The following HS6ST2 variants were observed in gnomAD, a reference collection of about 807,000 sequenced individuals.
HS6ST2 encodes the protein heparan-sulfate 6-O-sulfotransferase 2.
Under a neutral mutation model 33.0 loss-of-function variants are expected in HS6ST2, and 17 were observed. That is an observed-to-expected ratio of 0.52 (90% confidence interval 0.35 to 0.77). The LOEUF is 0.77. Ranked by LOEUF, HS6ST2 falls within the 30% of genes least tolerant of loss-of-function variation. The probability of loss-of-function intolerance (pLI) is 0.01; values close to 1 mark genes in which losing one functional copy is unlikely to be tolerated. For synonymous variants in HS6ST2, 248 were observed against 237.1 expected, an observed-to-expected ratio of 1.05 and a Z score of -0.42; for missense variants, 519 against 551.7, an observed-to-expected ratio of 0.94 and a Z score of 0.59.
intron 2 of HS6ST2, among the ~76,000 whole-genome samples, chrX:132,760,988 T>C (rs755874464): frequency 1.8e-5 from 2 of 111,644 alleles, no homozygotes; most frequent in South Asian, 7.6e-4. Context: ...TTGTAGTCAT[T>C]CAGTTTAACT....
chrX:132,853,662 G>A (rs1420578444), intron 2 of HS6ST2, among the ~76,000 whole-genome samples: 2 of 110,762 alleles, frequency 1.8e-5, no homozygotes, highest in Non-Finnish European at 3.8e-5. Flanking sequence ...ATCAGGGTGG[G>A]GAGCTTACAA....
At chrX:132,737,521 T>G (rs1374657199) in intron 2 of HS6ST2, among the ~76,000 whole-genome samples, 1 of 111,437 alleles carries the variant, frequency 9.0e-6, no homozygotes, top group Non-Finnish European at 1.9e-5. Flanking sequence ...CTCCCACCTT[T>G]AGCAACACGG....
rs181168026 is a variant in HS6ST2 at position 132,676,411 on chromosome X, A to G, written c.981-7212T>C. Among the ~76,000 whole-genome samples, 17 of 112,582 alleles carry G rather than the reference A, an allele frequency of 1.5e-4. No homozygotes were observed. The East Asian group carries it at 4.8e-3, about 31-fold the overall frequency. Reference sequence around the variant, plus strand: ...AAGTGTGAAAAAATGCTAGGGAAATAAAACAGGAAACAACTGCCTATGCTT... The same window carrying G: ...AAGTGTGAAAAAATGCTAGGGAAATGAAACAGGAAACAACTGCCTATGCTT... On this transcript the variant is annotated intron_variant, in intron 3 of 4. Transcript: ENST00000370833.
chrX:132,933,259 C>T (rs186267655), intron 2 of HS6ST2, among the ~76,000 whole-genome samples: 94 of 110,209 alleles, frequency 8.5e-4, no homozygotes, highest in Non-Finnish European at 1.6e-3. Flanking sequence ...ACCCAGGAGA[C>T]GGAGGTTGCA....
intron 2 of HS6ST2, among the ~76,000 whole-genome samples, chrX:132,913,035 C>T (rs768605092): frequency 8.1e-5 from 9 of 110,938 alleles, no homozygotes; most frequent in Admixed American, 6.7e-4. Flanking sequence ...CATCCCCTTC[C>T]GAGTCCATAA....
chrX:132,725,030 A>G (rs1474548202), intron 2 of HS6ST2, among the ~76,000 whole-genome samples: 1 of 111,779 alleles, frequency 8.9e-6, no homozygotes, highest in Admixed American at 9.5e-5. Flanking sequence ...AATCTAAGAC[A>G]TCAAACTCTA....
chrX:132,881,563 A>G (rs2066173982), intron 2 of HS6ST2, among the ~76,000 whole-genome samples: 1 of 111,065 alleles, frequency 9.0e-6, no homozygotes, highest in African/African-American at 3.3e-5. Context: ...ATTTTCTCCT[A>G]TTCTGTAGGT....
intron 3 of HS6ST2, among the ~76,000 whole-genome samples, chrX:132,677,682 A>G (rs1241210270): frequency 8.9e-6 from 1 of 112,330 alleles, no homozygotes; most frequent in East Asian, 2.8e-4. Flanking sequence ...GTGACAGCCT[A>G]TTGCAGAAGT....
chrX:132,868,606 A>G (rs1490225002), intron 2 of HS6ST2, among the ~76,000 whole-genome samples: 1 of 112,521 alleles, frequency 8.9e-6, no homozygotes, highest in African/African-American at 3.2e-5. Context: ...CAATCAAATT[A>G]GAATTCAGGA....
chrX:132,787,212 T>C lies in HS6ST2; in HGVS notation c.948-78718A>G, dbSNP rs1210888119. 3.7e-3 allele frequency among the ~76,000 whole-genome samples: 331 copies of C among 88,498 alleles called. 8 individuals are homozygous for C. The highest frequency in any genetic ancestry group is 0.012 in the African/African-American group (279 of 23,178). 76.8% of individuals were successfully genotyped at this position (88,498 alleles called of 115,157 possible). On this transcript the variant is annotated intron_variant, in intron 2 of 4. Coordinates refer to ENST00000370833, the MANE Select transcript of HS6ST2 (RefSeq NM_001394073.1). ...ACATATATATATACACATATATATATACACATATATATATACACATATATA... is the reference window on the plus strand; with the variant it reads ...ACATATATATATACACATATATATACACACATATATATATACACATATATA...
At chrX:132,846,219 T>C (rs1457978291) in intron 2 of HS6ST2, among the ~76,000 whole-genome samples, 1 of 112,629 alleles carries the variant, frequency 8.9e-6, no homozygotes, top group African/African-American at 3.2e-5. Flanking sequence ...AGAATGGCTG[T>C]AGCTTTTGGC....
At chrX:132,867,792 C>T (rs865897166) in intron 2 of HS6ST2, among the ~76,000 whole-genome samples, 1 of 111,513 alleles carries the variant, frequency 9.0e-6, no homozygotes. Flanking sequence ...GAAGCACTAA[C>T]ATGGAAAGGA....
intron 2 of HS6ST2, among the ~76,000 whole-genome samples, chrX:132,920,399 A>G (rs1319783212): frequency 9.1e-6 from 1 of 109,984 alleles, no homozygotes; most frequent in Non-Finnish European, 1.9e-5. Flanking sequence ...TGCACACAGT[A>G]ACCATCTACC....
intron 2 of HS6ST2, among the ~76,000 whole-genome samples, chrX:132,803,331 A>C (rs2065253333): frequency 9.0e-6 from 1 of 111,644 alleles, no homozygotes; most frequent in Admixed American, 9.5e-5. Flanking sequence ...CCTAATGGAC[A>C]CCCATACAAG....
intron 2 of HS6ST2, among the ~76,000 whole-genome samples, chrX:132,887,520 G>A (rs1483799525): frequency 8.9e-6 from 1 of 111,983 alleles, no homozygotes; most frequent in Non-Finnish European, 1.9e-5. Flanking sequence ...TTGAGAATGT[G>A]GTGAAACTGG....
At chrX:132,738,597 A>G (rs1220599440) in intron 2 of HS6ST2, among the ~76,000 whole-genome samples, 1 of 112,739 alleles carries the variant, frequency 8.9e-6, no homozygotes, top group Non-Finnish European at 1.9e-5. Flanking sequence ...TAGAGCAAAT[A>G]ACTATCTTAT....
At chrX:132,927,108 T>C (rs1190176948) in intron 2 of HS6ST2, among the ~76,000 whole-genome samples, 1 of 111,380 alleles carries the variant, frequency 9.0e-6, no homozygotes, top group Non-Finnish European at 1.9e-5. Flanking sequence ...TCCAGTCTTC[T>C]CAAGGCAGAA....
intron 2 of HS6ST2, among the ~76,000 whole-genome samples, chrX:132,792,187 A>G (rs182264890): frequency 4.5e-4 from 51 of 112,440 alleles, no homozygotes; most frequent in African/African-American, 1.6e-3. Flanking sequence ...ATCCTCAATG[A>G]TAGAGCACCT....
chrX:132,960,626 C>A (rs993525390), upstream of HS6ST2, among the ~76,000 whole-genome samples: 2 of 110,867 alleles, frequency 1.8e-5, no homozygotes, highest in Non-Finnish European at 3.8e-5. Flanking sequence ...TGTCCACACA[C>A]CTGCACACAC....
Sources: gnomAD v4.1 joint callset for allele counts (sites outside exome capture counted in the v4.1 genomes callset) on GRCh38, gnomAD v4.1.1 for gene constraint, MANE v1.5 for transcripts, NCBI Gene and HGNC (gene_info 2026-07-23, HGNC 2026-07-21) for gene names.